Variants in ADGRB3 observed in about 807,000 individuals in gnomAD.
ADGRB3 encodes the protein adhesion G protein-coupled receptor B3.
In ADGRB3, 37 loss-of-function variants were observed where a neutral mutation model predicts 193.4. That is an observed-to-expected ratio of 0.19 (90% CI 0.15 to 0.25). ADGRB3 has a LOEUF of 0.25. Among genes scored for constraint, ADGRB3 ranks in the 10% least tolerant of loss-of-function variants. The probability of loss-of-function intolerance (pLI) is 1.00; values close to 1 mark genes in which losing one functional copy is unlikely to be tolerated. For missense variants in ADGRB3, 1,637 were observed against 1,852.9 expected, an observed-to-expected ratio of 0.88 and a Z score of 2.14; for synonymous variants, 690 against 644.2, an observed-to-expected ratio of 1.07 and a Z score of -1.08.
At chr6:69,051,703 A>G (rs1771397814) in intron 15 of ADGRB3, among the ~76,000 whole-genome samples, 1 of 152,170 alleles carries the variant, frequency 6.6e-6, no homozygotes, top group African/African-American at 2.4e-5. Context: ...AACTGCACCA[A>G]TTATAGGTCT....
chr6:68,936,603 G>T lies in ADGRB3; in HGVS notation c.953G>T (p.Cys318Phe). The T allele has an allele frequency of 6.2e-7, 1 of 1,614,002 alleles. No individual in the cohort carries two copies. Residue 318 changes from cysteine to phenylalanine, a missense_variant, in exon 5 of 32, where the codon TGT becomes TTT. By Grantham distance (205) the Cys-to-Phe change is radical. This residue lies in a region of ADGRB3 where 365 missense variants were observed against 409.8 expected (regional missense o/e 0.89). Coordinates refer to ENST00000370598, the MANE Select transcript of ADGRB3 (RefSeq NM_001704.3). ...GQGSQVRTRT[C>F]VSPYGTHCSG... The stretch of plus-strand genomic sequence containing the variant: ...GGGTCGCAGGTGCGAACCAGAACTT[G>T]TGTATCACCTTACGGGACACACTGC...
chr6:68,988,738 G>A (rs1287446015), intron 10 of ADGRB3, among the ~76,000 whole-genome samples: 1 of 151,992 alleles, frequency 6.6e-6, no homozygotes, highest in African/African-American at 2.4e-5. Flanking sequence ...GGATGCTAAC[G>A]ACACCTCTCA....
chr6:68,638,318 A>G (rs539906557), intron 2 of ADGRB3, among the ~76,000 whole-genome samples: 18 of 152,314 alleles, frequency 1.2e-4, no homozygotes, highest in Non-Finnish European at 2.1e-4. Flanking sequence ...TTACATTATG[A>G]CGTTTTAAAA....
At position 68,639,398 on chromosome 6, in the gene ADGRB3, T is replaced by A. The variant is rs1160722457; in HGVS notation, c.723T>A (p.Asn241Lys). The A allele has an allele frequency of 6.2e-7, 1 of 1,612,508 alleles. No homozygotes were observed. The highest frequency in any genetic ancestry group is 8.5e-7 in the Non-Finnish European group (1 of 1,179,394). The change falls in exon 3 of 32, where the codon AAT becomes AAA. Residue 241 changes from asparagine to lysine, a missense_variant. Coordinates refer to ENST00000370598, the MANE Select transcript of ADGRB3 (RefSeq NM_001704.3). ...TQELQTTQVCNLTREAKRPPK... is the reference protein window; with the variant it reads ...TQELQTTQVCKLTREAKRPPK... ...AGCTGCAAACCACCCAAGTCTGCAATCTTACCAGGGAGGCCAAGCGACCAC... is the reference window on the plus strand; with the variant it reads ...AGCTGCAAACCACCCAAGTCTGCAAACTTACCAGGGAGGCCAAGCGACCAC...
chr6:68,934,171 T>C (rs760512386), intron 4 of ADGRB3, among the ~76,000 whole-genome samples: 2 of 152,126 alleles, frequency 1.3e-5, no homozygotes, highest in African/African-American at 2.4e-5. Context: ...TTTTGATAGG[T>C]AGGCCACTAT....
At chr6:69,176,917 A>G (rs1490904147) in intron 17 of ADGRB3, among the ~76,000 whole-genome samples, 1 of 152,176 alleles carries the variant, frequency 6.6e-6, no homozygotes, top group South Asian at 2.1e-4. Flanking sequence ...TTGTCTGCAT[A>G]TAGGTATTCA....
At chr6:69,002,224 T>C (rs1769600349) in intron 11 of ADGRB3, among the ~76,000 whole-genome samples, 1 of 36,440 alleles carries the variant, frequency 2.7e-5, no homozygotes, top group African/African-American at 8.7e-5. Context: ...TCTTTTATCT[T>C]TTTTTTTTTT....
intron 17 of ADGRB3, among the ~76,000 whole-genome samples, chr6:69,091,268 A>G (rs890910762): frequency 3.9e-5 from 6 of 152,194 alleles, no homozygotes; most frequent in Non-Finnish European, 8.8e-5. Context: ...ATACCATTTG[A>G]CTCAGCAATT....
At chr6:68,971,655 G>A (rs577880120) in intron 8 of ADGRB3, among the ~76,000 whole-genome samples, 68 of 152,334 alleles carry the variant, frequency 4.5e-4, no homozygotes, top group South Asian at 4.3e-3. Flanking sequence ...ATAGATGACA[G>A]GGATGACTGT....
chr6:68,811,398 A>G (rs1178207686), intron 3 of ADGRB3, among the ~76,000 whole-genome samples: 4 of 152,126 alleles, frequency 2.6e-5, no homozygotes, highest in Non-Finnish European at 5.9e-5. Context: ...ATTTCATGTT[A>G]TTTTATTTTT....
In ADGRB3 at chr6:69,024,652, T is replaced by C. The variant is rs561163315; in HGVS notation, c.2107+6153T>C. Among the ~76,000 whole-genome samples, 86 of 152,332 alleles carry C rather than the reference T, an allele frequency of 5.6e-4. 1 individual carries two copies. The highest frequency in any genetic ancestry group is 3.4e-3 in the Middle Eastern group (1 of 294). On this transcript the variant is annotated intron_variant, in intron 13 of 31. Transcript: ENST00000370598. Reference sequence around the variant, plus strand: ...AGGAATTTCAAAAGTTCTGCTGATATATAAACCCTAACAGATACAAGAATC... The same window carrying C: ...AGGAATTTCAAAAGTTCTGCTGATACATAAACCCTAACAGATACAAGAATC...
At chr6:69,368,220 G>A (rs1382716294) in intron 29 of ADGRB3, among the ~76,000 whole-genome samples, 2 of 152,094 alleles carry the variant, frequency 1.3e-5, no homozygotes. Context: ...CATAACTTTG[G>A]TTGTTCAGAA....
intron 3 of ADGRB3, among the ~76,000 whole-genome samples, chr6:68,672,148 C>G (rs906024929): frequency 2.0e-5 from 3 of 151,670 alleles, no homozygotes; most frequent in Non-Finnish European, 4.4e-5. Context: ...TGAATCCTCT[C>G]TCTTTTTTTT....
intron 17 of ADGRB3, among the ~76,000 whole-genome samples, chr6:69,225,846 C>A (rs1766001299): frequency 6.6e-6 from 1 of 152,156 alleles, no homozygotes; most frequent in African/African-American, 2.4e-5. Flanking sequence ...TGACTGGACC[C>A]TGAATAAATG....
At chr6:69,377,933 A>G (rs906310968) in intron 30 of ADGRB3, among the ~76,000 whole-genome samples, 7 of 152,102 alleles carry the variant, frequency 4.6e-5, no homozygotes, top group African/African-American at 1.7e-4. Context: ...GGACAAGTAA[A>G]TGAGCCATTC....
intron 17 of ADGRB3, among the ~76,000 whole-genome samples, chr6:69,217,494 T>A (rs1387864621): frequency 6.6e-6 from 1 of 152,202 alleles, no homozygotes; most frequent in Non-Finnish European, 1.5e-5. Context: ...GTTGCAGTCA[T>A]AAATTATCTA....
intron 3 of ADGRB3, among the ~76,000 whole-genome samples, chr6:68,898,863 G>A (rs891672189): frequency 6.6e-6 from 1 of 152,048 alleles, no homozygotes; most frequent in African/African-American, 2.4e-5. Context: ...TACATGACTA[G>A]TGCACCTCAA....
At chr6:69,297,658 G>C (rs1885331) in intron 20 of ADGRB3, among the ~76,000 whole-genome samples, 3 of 151,636 alleles carry the variant, frequency 2.0e-5, no homozygotes, top group African/African-American at 7.3e-5. Context: ...TGAAATGAAC[G>C]CAGAAAGAAG....
chr6:68,768,545 A>T (rs982822069), intron 3 of ADGRB3, among the ~76,000 whole-genome samples: 4 of 152,224 alleles, frequency 2.6e-5, no homozygotes, highest in Non-Finnish European at 5.9e-5. Context: ...TTAACTCAAG[A>T]TGGATTAAAG....
Sources: gnomAD v4.1 joint callset for allele counts (sites outside exome capture counted in the v4.1 genomes callset) on GRCh38, gnomAD v4.1.1 for gene constraint, gnomAD v4.1.1 regional missense constraint, MANE v1.5 for transcripts, NCBI Gene and HGNC (gene_info 2026-07-23, HGNC 2026-07-21) for gene names.